Variants in TNS3 observed in about 807,000 individuals in gnomAD.
TNS3 encodes the protein tensin-3.
Under a neutral mutation model 140.9 loss-of-function variants are expected in TNS3, and 45 were observed. The observed-to-expected ratio is 0.32, with a 90% CI of 0.25 to 0.41. The LOEUF (loss-of-function observed/expected upper bound fraction) is 0.41. TNS3 is among the 10% of genes least tolerant of loss of function. The probability of loss-of-function intolerance (pLI) is 1.00; values close to 1 mark genes in which losing one functional copy is unlikely to be tolerated. For missense variants in TNS3, 1,716 were observed against 1,906.7 expected (o/e 0.90, Z 1.86); for synonymous variants, 815 against 788.4 (o/e 1.03, Z -0.56).
intron 10 of TNS3, among the ~76,000 whole-genome samples, chr7:47,417,060 A>G (rs529689086): frequency 6.6e-6 from 1 of 152,274 alleles, no homozygotes; most frequent in East Asian, 1.9e-4. Context: ...TCAGTGCCCC[A>G]TGTGCACCTG....
At chr7:47,290,997 T>TAA (rs924197053) in intron 27 of TNS3, among the ~76,000 whole-genome samples, 1 of 149,136 alleles carries the variant, frequency 6.7e-6, no homozygotes, top group Non-Finnish European at 1.5e-5. Context: ...TATTTGCTGC[T>TAA]AAAAAAAAAT....
In TNS3 at chr7:47,577,425, T is replaced by C. The variant is rs1800699623; in HGVS notation, c.-265+4626A>G. Reference sequence around the variant, plus strand: ...CAGCCTTGGGGTCCGAGGAAGCAGCTGGGGCTGGCGCACTGGCTGAGGTAG... The same window carrying C: ...CAGCCTTGGGGTCCGAGGAAGCAGCCGGGGCTGGCGCACTGGCTGAGGTAG... On this transcript the variant is annotated intron_variant, in intron 1 of 30. Transcript: ENST00000311160. Among the ~76,000 whole-genome samples the C allele has an allele frequency of 2.0e-5, 3 of 152,188 alleles. No homozygotes were observed. The South Asian group carries it at 6.2e-4, about 32-fold the overall frequency.
intron 4 of TNS3, among the ~76,000 whole-genome samples, chr7:47,460,249 T>A (rs1177331181): frequency 1.4e-5 from 2 of 145,826 alleles, no homozygotes; most frequent in Non-Finnish European, 3.0e-5. Flanking sequence ...AAGAGGAGAT[T>A]AGGACACAGA....
intron 20 of TNS3, among the ~76,000 whole-genome samples, chr7:47,311,177 C>T (rs1787068425): frequency 6.6e-6 from 1 of 152,182 alleles, no homozygotes; most frequent in Non-Finnish European, 1.5e-5. Flanking sequence ...AGTTTACAGT[C>T]CCACCAACAG....
chr7:47,371,496 C>G (rs1263292819), intron 16 of TNS3, among the ~76,000 whole-genome samples: 1 of 152,176 alleles, frequency 6.6e-6, no homozygotes, highest in Non-Finnish European at 1.5e-5. Flanking sequence ...TGCCCACCTG[C>G]CCAGAGAGCA....
intron 27 of TNS3, among the ~76,000 whole-genome samples, chr7:47,284,792 T>G (rs1785328363): frequency 6.6e-6 from 1 of 152,232 alleles, no homozygotes; most frequent in Non-Finnish European, 1.5e-5. Context: ...AAAGTTTCAC[T>G]TAACAGAAAA....
intron 23 of TNS3, among the ~76,000 whole-genome samples, chr7:47,298,694 A>T (rs959118050): frequency 6.6e-6 from 1 of 152,256 alleles, no homozygotes; most frequent in African/African-American, 2.4e-5. Flanking sequence ...GCCTCAGTAA[A>T]TACCTCCACG....
chr7:47,352,080 CCCA>C (rs890708071), intron 17 of TNS3, among the ~76,000 whole-genome samples: 4 of 141,928 alleles, frequency 2.8e-5, no homozygotes, highest in African/African-American at 8.1e-5. Context: ...CACTCTTACA[CCCA>C]CGTCACACAC....
intron 20 of TNS3, among the ~76,000 whole-genome samples, chr7:47,327,619 T>G (rs1053708923): frequency 2.0e-5 from 3 of 152,230 alleles, no homozygotes; most frequent in African/African-American, 7.2e-5. Context: ...AAACCAGGCT[T>G]TTGTTAGCCC....
intron 20 of TNS3, among the ~76,000 whole-genome samples, chr7:47,309,762 C>T (rs1411476860): frequency 6.6e-6 from 1 of 152,202 alleles, no homozygotes. Flanking sequence ...TCTGTAAACC[C>T]TTATCTATCA....
intron 27 of TNS3, among the ~76,000 whole-genome samples, chr7:47,291,242 C>T (rs1785681094): frequency 6.6e-6 from 1 of 152,138 alleles, no homozygotes; most frequent in African/African-American, 2.4e-5. Context: ...CACTATGATA[C>T]TGTAACGGTG....
chr7:47,286,947 C>T (rs1785450948), intron 27 of TNS3, among the ~76,000 whole-genome samples: 1 of 152,174 alleles, frequency 6.6e-6, no homozygotes, highest in African/African-American at 2.4e-5. Context: ...ATCTGCTTGA[C>T]ATCAGGAGTG....
In TNS3 at chr7:47,384,518, T is replaced by G. The variant is rs149874544; in HGVS notation, c.1024+12282A>C. Among the ~76,000 whole-genome samples, 653 of 152,364 alleles carry G rather than the reference T, an allele frequency of 4.3e-3. 7 individuals carry two copies. The highest frequency in any genetic ancestry group is 0.015 in the African/African-American group (610 of 41,594). ...CTCCTGGGAAACCATCAACATTTTATTGAGGCCCTGGCCTTGACTCTTTGG... is the reference window on the plus strand; with the variant it reads ...CTCCTGGGAAACCATCAACATTTTAGTGAGGCCCTGGCCTTGACTCTTTGG... On this transcript the variant is annotated intron_variant, in intron 16 of 30. Transcript: ENST00000311160.
In TNS3 at chr7:47,280,605, C is replaced by T. The variant is rs557319831; in HGVS notation, c.4098-251G>A. 9.2e-5 allele frequency among the ~76,000 whole-genome samples: 14 copies of T among 152,270 alleles called. No homozygotes were observed. The South Asian group carries it at 1.0e-3, about 11-fold the overall frequency. On this transcript the variant is annotated intron_variant, in intron 28 of 30. Transcript: ENST00000311160. ...CTGAAACTGTCAGCCGTGTGGAAGG[C>T]GGGAATCGGGTCAAGAAGCCCTAAC...
intron 8 of TNS3, among the ~76,000 whole-genome samples, chr7:47,433,156 C>A (rs964457892): frequency 1.1e-4 from 16 of 152,202 alleles, no homozygotes; most frequent in African/African-American, 3.9e-4. Flanking sequence ...CCTGCCCAGG[C>A]TGAGACAGGC....
intron 20 of TNS3, among the ~76,000 whole-genome samples, chr7:47,308,891 C>T (rs1219033530): frequency 1.3e-5 from 2 of 152,202 alleles, no homozygotes; most frequent in Non-Finnish European, 2.9e-5. Flanking sequence ...CTACCCAACG[C>T]TCAGTTGAAT....
chr7:47,281,794 C>T (rs543940829), intron 28 of TNS3, among the ~76,000 whole-genome samples: 1 of 152,302 alleles, frequency 6.6e-6, no homozygotes, highest in South Asian at 2.1e-4. Context: ...ACATATCTTC[C>T]AAGGGCAGCA....
chr7:47,488,900 G>C (rs541479615), intron 3 of TNS3, among the ~76,000 whole-genome samples: 23 of 152,318 alleles, frequency 1.5e-4, no homozygotes, highest in African/African-American at 3.6e-4. Flanking sequence ...GGGTTGAAGA[G>C]AGGCCCAGGG....
intron 1 of TNS3, among the ~76,000 whole-genome samples, chr7:47,555,016 G>A (rs1270315072): frequency 4.6e-5 from 7 of 151,174 alleles, no homozygotes; most frequent in African/African-American, 1.7e-4. Context: ...AACAGAGCGA[G>A]ACTCTGTCTC....
Sources: gnomAD v4.1 joint callset for allele counts (sites outside exome capture counted in the v4.1 genomes callset) on GRCh38, gnomAD v4.1.1 for gene constraint, MANE v1.5 for transcripts, NCBI Gene and HGNC (gene_info 2026-07-23, HGNC 2026-07-21) for gene names.